The following LIMS1 variants were observed in gnomAD, a reference collection of about 807,000 sequenced individuals.
LIMS1 encodes LIM zinc finger domain containing 1.
A neutral mutation model predicts 44.1 loss-of-function variants in LIMS1; 18 were observed. The observed-to-expected ratio is 0.41, with a 90% CI of 0.28 to 0.61. The LOEUF is 0.61. Among genes scored for constraint, LIMS1 ranks in the 20% least tolerant of loss-of-function variants. The pLI, the probability that LIMS1 is intolerant of heterozygous loss-of-function variation, is 0.32. For synonymous variants in LIMS1, 93 were observed against 149.1 expected (o/e 0.62, Z 2.74); for missense variants, 201 against 422.0 (o/e 0.48, Z 4.59).
At position 108,676,699 on chromosome 2, in the gene LIMS1, G is replaced by A; in HGVS notation, c.774+1G>A. ...ATATTGTGAAACTCACTATAACCAGGTATTGACCTTAGTCACTGGATGCTA... is the reference window on the plus strand; with the variant it reads ...ATATTGTGAAACTCACTATAACCAGATATTGACCTTAGTCACTGGATGCTA... On this transcript the variant is annotated splice_donor_variant, in intron 7 of 9. Transcript: ENST00000544547. LOFTEE classifies it high-confidence loss of function. 2 of 1,373,398 alleles carry A rather than the reference G, an allele frequency of 1.5e-6. 1 individual carries two copies. Among genetic ancestry groups the A allele is most frequent in the Non-Finnish European group, 2.0e-6 (2 of 996,912 alleles). 85.1% of individuals were successfully genotyped at this position (1,373,398 alleles called of 1,614,324 possible).
intron 1 of LIMS1, among the ~76,000 whole-genome samples, chr2:108,536,779 C>T (rs888638776): frequency 3.3e-5 from 5 of 152,120 alleles, no homozygotes; most frequent in African/African-American, 9.7e-5. Flanking sequence ...AACAGGGTTT[C>T]GCCATGTTGT....
At chr2:108,548,098 C>T (rs1010420010) in intron 1 of LIMS1, among the ~76,000 whole-genome samples, 1 of 152,132 alleles carries the variant, frequency 6.6e-6, no homozygotes, top group Non-Finnish European at 1.5e-5. Context: ...GCACTTAGCC[C>T]ATTTCAGGTC....
At chr2:108,628,776 A>G (rs1457676219) in intron 1 of LIMS1, among the ~76,000 whole-genome samples, 1 of 152,106 alleles carries the variant, frequency 6.6e-6, no homozygotes, top group Non-Finnish European at 1.5e-5. Context: ...CAGTGCATTA[A>G]TTTTTGAAGA....
intron 1 of LIMS1, among the ~76,000 whole-genome samples, chr2:108,564,265 T>A (rs1349634584): frequency 3.9e-5 from 6 of 152,154 alleles, no homozygotes; most frequent in Non-Finnish European, 5.9e-5. Flanking sequence ...GATCTGTACT[T>A]CTTTTTAGAC....
intron 1 of LIMS1, among the ~76,000 whole-genome samples, chr2:108,570,388 C>T (rs1327401429): frequency 6.6e-6 from 1 of 152,164 alleles, no homozygotes; most frequent in Non-Finnish European, 1.5e-5. Context: ...CGAGATCTCA[C>T]CACTGCATTC....
intron 1 of LIMS1, among the ~76,000 whole-genome samples, chr2:108,628,745 G>A (rs1250858176): frequency 5.3e-5 from 8 of 152,186 alleles, no homozygotes; most frequent in South Asian, 2.1e-4. Context: ...GATTACAGGC[G>A]TGAGCCACCG....
At chr2:108,535,994 CCTT>C (rs918173207) in intron 1 of LIMS1, among the ~76,000 whole-genome samples, 20 of 152,028 alleles carry the variant, frequency 1.3e-4, no homozygotes, top group Admixed American at 3.3e-4. Flanking sequence ...AATTTGTACT[CCTT>C]CATCATGGAC....
At chr2:108,596,390 T>TGAC (rs374358694) in intron 1 of LIMS1, among the ~76,000 whole-genome samples, 1 of 145,402 alleles carries the variant, frequency 6.9e-6, no homozygotes, top group African/African-American at 2.6e-5. Flanking sequence ...TTATATATGA[T>TGAC]AACATTTTAA....
At chr2:108,571,443 A>G (rs1685476759) in intron 1 of LIMS1, among the ~76,000 whole-genome samples, 1 of 152,242 alleles carries the variant, frequency 6.6e-6, no homozygotes, top group Non-Finnish European at 1.5e-5. Context: ...GCCACAGTCC[A>G]CTACTGTTCC....
At chr2:108,661,743 C>T (rs1691386973) in intron 2 of LIMS1, among the ~76,000 whole-genome samples, 1 of 152,176 alleles carries the variant, frequency 6.6e-6, no homozygotes, top group African/African-American at 2.4e-5. Flanking sequence ...CTACTTCTAC[C>T]TCGGCACCAT....
At chr2:108,676,561 T>A in intron 6 of LIMS1, 45 bp from the exon 7 acceptor site, 1 of 1,535,274 alleles carries the variant, frequency 6.5e-7, no homozygotes, top group African/African-American at 1.4e-5. Context: ...TTATTAGATA[T>A]AAAATATGGC....
intron 1 of LIMS1, among the ~76,000 whole-genome samples, chr2:108,635,429 T>TTAA (rs1184539748): frequency 2.3e-5 from 2 of 86,724 alleles, no homozygotes; most frequent in African/African-American, 9.8e-5. Context: ...ACTTCATCTC[T>TTAA]AAAAAAAAAA....
intron 2 of LIMS1, among the ~76,000 whole-genome samples, chr2:108,663,853 C>G (rs570608993): frequency 8.0e-4 from 122 of 152,134 alleles, no homozygotes; most frequent in Non-Finnish European, 1.6e-3. Context: ...CTTGCGGCCT[C>G]GAGTGCTTCT....
At chr2:108,573,151 T>G (rs1685542389) in intron 1 of LIMS1, among the ~76,000 whole-genome samples, 1 of 152,250 alleles carries the variant, frequency 6.6e-6, no homozygotes, top group African/African-American at 2.4e-5. Context: ...ATTCAGCAGA[T>G]GTAAAATTTC....
intron 1 of LIMS1, among the ~76,000 whole-genome samples, chr2:108,575,380 CAGTT>C (rs1685630984): frequency 6.6e-6 from 1 of 152,328 alleles, no homozygotes; most frequent in South Asian, 2.1e-4. Flanking sequence ...TGAGTCCTCT[CAGTT>C]AGCTGAAATA....
intron 1 of LIMS1, among the ~76,000 whole-genome samples, chr2:108,616,313 A>G (rs1687932000): frequency 6.7e-6 from 1 of 148,446 alleles, no homozygotes; most frequent in Admixed American, 6.9e-5. Context: ...TCAAGTGATC[A>G]TGATCCCCCC....
At chr2:108,607,584 A>G (rs1204425546) in intron 1 of LIMS1, among the ~76,000 whole-genome samples, 1 of 152,054 alleles carries the variant, frequency 6.6e-6, no homozygotes, top group East Asian at 1.9e-4. Context: ...CTTTTTGCTT[A>G]TTTACTTCTG....
chr2:108,618,823 CAAAAAAAAAAAA>C (rs36086497), intron 1 of LIMS1, among the ~76,000 whole-genome samples: 2 of 85,740 alleles, frequency 2.3e-5, no homozygotes, highest in African/African-American at 8.6e-5. Flanking sequence ...GACTCCGTCT[CAAAAAAAAAAAA>C]AAAAAAAAAG....
chr2:108,665,266 G>C (rs1691670843), intron 2 of LIMS1, among the ~76,000 whole-genome samples: 1 of 152,122 alleles, frequency 6.6e-6, no homozygotes, highest in Non-Finnish European at 1.5e-5. Context: ...AGTCTATATG[G>C]TATGGCCTAT....
Sources: allele counts gnomAD v4.1 joint callset (sites outside exome capture counted in the v4.1 genomes callset), GRCh38; gene constraint gnomAD v4.1.1; transcripts MANE v1.5; gene names NCBI Gene and HGNC (gene_info 2026-07-23, HGNC 2026-07-21).